Variants in TOPBP1 observed in about 807,000 individuals in gnomAD.
The protein encoded by TOPBP1 is DNA topoisomerase II binding protein 1.
TOPBP1 carries 28 observed loss-of-function variants against 167.7 expected under a neutral mutation model. The ratio of observed to expected loss-of-function variants is 0.17; its 90% CI spans 0.12 to 0.23. The LOEUF (loss-of-function observed/expected upper bound fraction) is 0.23, where lower values mean the gene tolerates loss of function less well. Ranked by LOEUF, TOPBP1 falls within the 10% of genes least tolerant of loss-of-function variation. The probability of loss-of-function intolerance (pLI) is 1.00; values close to 1 mark genes in which losing one functional copy is unlikely to be tolerated. For synonymous variants in TOPBP1, 598 were observed against 611.4 expected (o/e 0.98, Z 0.32); for missense variants, 1,554 against 1,809.6 (o/e 0.86, Z 2.56).
At chr3:133,658,628 G>A (rs765834469) in intron 3 of TOPBP1, among the ~76,000 whole-genome samples, 4 of 151,926 alleles carry the variant, frequency 2.6e-5, no homozygotes, top group Admixed American at 6.6e-5. Flanking sequence ...GGCCAACATC[G>A]AGAAACCCTT....
chr3:133,652,119 G>A (rs1031145962), intron 8 of TOPBP1, among the ~76,000 whole-genome samples: 7 of 150,618 alleles, frequency 4.6e-5, no homozygotes, highest in African/African-American at 1.7e-4. Context: ...AACAGAGTGA[G>A]ACCCTAACTC....
chr3:133,649,749 G>C (rs1355448109), intron 9 of TOPBP1, 31 bp downstream of exon 9: 3 of 1,584,954 alleles, frequency 1.9e-6, no homozygotes, highest in African/African-American at 1.4e-5. Context: ...TTATGTAGTA[G>C]AAATTGCTTT....
chr3:133,633,079 T>C (rs1355091709), intron 14 of TOPBP1, among the ~76,000 whole-genome samples: 1 of 152,128 alleles, frequency 6.6e-6, no homozygotes, highest in Non-Finnish European at 1.5e-5. Flanking sequence ...GGCTATTTCT[T>C]CCACCTTAAA....
In TOPBP1 at chr3:133,638,021, C is replaced by T. The variant is rs372611122; in HGVS notation, c.2375G>A (p.Arg792His). ...DMNRFQSKAFRAVVSQHARQV... is the reference protein window; with the variant it reads ...DMNRFQSKAFHAVVSQHARQV... Reference sequence around the variant, plus strand: ...TCTGGCATGTTGTGAGACCACAGCACGGAAAGCTTTACTCTGAAAGCGGTT... The same window carrying T: ...TCTGGCATGTTGTGAGACCACAGCATGGAAAGCTTTACTCTGAAAGCGGTT... The change falls in exon 14 of 28, where the codon CGT (arginine) becomes CAT (histidine). Residue 792 changes from arginine (R) to histidine (H), a missense_variant. Physicochemically the swap from Arg to His is conservative, Grantham distance 29 (BLOSUM62 0). Around this residue, in one of 3 missense-constraint regions of TOPBP1, gnomAD observed 1,197 missense variants for 1,351.5 expected, o/e 0.89. Coordinates refer to ENST00000260810, the MANE Select transcript of TOPBP1 (RefSeq NM_007027.4). 2.0e-5 allele frequency: 33 copies of T among 1,613,818 alleles called. No homozygotes were observed. The African/African-American group carries it at 3.3e-4, about 16-fold the overall frequency.
chr3:133,628,707 T>C lies in TOPBP1; in HGVS notation c.2547A>G (p.Pro849=). ...VKDALAALET[P]GRPSQQKRKP... ...TCCTTTTCTGTTGGCTGGGACGTCC[T>C]GGAGTTTCCAAGGCTGCAAGTGCAT... Residue 849 remains proline (P), a synonymous_variant, in exon 15 of 28, where the codon CCA becomes CCG. Transcript: ENST00000260810. The C allele has an allele frequency of 6.4e-7, 1 of 1,553,594 alleles. No homozygotes were observed. The highest frequency in any genetic ancestry group is 8.7e-7 in the Non-Finnish European group (1 of 1,147,830).
Position 133,620,297 on chromosome 3 carries a change from C to T in TOPBP1, c.3229G>A (p.Glu1077Lys). 6.2e-7 allele frequency: 1 copy of T among 1,613,960 alleles called. No individual in the cohort carries two copies. The highest frequency in any genetic ancestry group is 8.5e-7 in the Non-Finnish European group (1 of 1,179,886). Reference sequence around the variant, plus strand: ...ACTATTGATGTTGCAGACATTATCTCCTGTAACTGCTTCTGAAAGTTCTCT... The same window carrying T: ...ACTATTGATGTTGCAGACATTATCTTCTGTAACTGCTTCTGAAAGTTCTCT... ...MRENFQKQLQ[E>K]IMSATSIVKP... The change falls in exon 20 of 28, where the codon GAG becomes AAG. Residue 1077 changes from glutamate (E) to lysine (K), a missense_variant. Physicochemically the swap from Glu to Lys is moderately conservative, Grantham distance 56. Coordinates refer to ENST00000260810, the MANE Select transcript of TOPBP1 (RefSeq NM_007027.4).
chr3:133,655,279 C>A lies in TOPBP1; in HGVS notation c.742+11G>T. 7.3e-7 allele frequency: 1 copy of A among 1,372,272 alleles called. No individual in the cohort carries two copies. The highest frequency in any genetic ancestry group is 2.2e-5 in the South Asian group (1 of 44,800). 85.0% of individuals were successfully genotyped at this position (1,372,272 alleles called of 1,614,324 possible). On this transcript the variant is annotated intron_variant, in intron 6 of 27. Coordinates refer to ENST00000260810, the MANE Select transcript of TOPBP1 (RefSeq NM_007027.4). ...ATGTTTCATTTGTCCCTTTGTGAAA[C>A]ACAGTTTTACCTTTTGGTTCTTGCA...
In TOPBP1 at chr3:133,612,399, T is replaced by C. The variant is rs374516381; in HGVS notation, c.4025A>G (p.His1342Arg). The C allele has an allele frequency of 5.6e-6, 9 of 1,613,688 alleles. No individual in the cohort carries two copies. The highest frequency in any genetic ancestry group is 1.6e-4 in the Middle Eastern group (1 of 6,078). Residue 1342 changes from histidine (H) to arginine (R), a missense_variant, in exon 24 of 28, where the codon CAC (histidine) becomes CGC (arginine). His to Arg is a conservative substitution (Grantham distance 29). Coordinates refer to ENST00000260810, the MANE Select transcript of TOPBP1 (RefSeq NM_007027.4). ...SYLEACRTAG[H>R]FVQEEDYEWG... ...AATCTGAATACACACCTGCACGAAG[T>C]GTCCAGCAGTCCTGCAGGCTTCAAG...
At position 133,649,509 on chromosome 3, in the gene TOPBP1, T is replaced by C. The variant is rs1167225501; in HGVS notation, c.1378A>G (p.Ser460Gly). The C allele has an allele frequency of 2.5e-6, 4 of 1,613,844 alleles. No homozygotes were observed. In the African/African-American group the frequency reaches 5.3e-5, roughly 22 times the overall value. ...TTCTTTTTTAAAAGAGCTGCTTTACTTTCAGGCTTATGTGAAACTGGAATT... is the reference window on the plus strand; with the variant it reads ...TTCTTTTTTAAAAGAGCTGCTTTACCTTCAGGCTTATGTGAAACTGGAATT... ...VEIPVSHKPE[S>G]KAALLKKKNS... Residue 460 changes from serine (S) to glycine (G), a missense_variant, in exon 10 of 28, where the codon AGT becomes GGT. Ser to Gly is a moderately conservative substitution (Grantham distance 56, BLOSUM62 0). Coordinates refer to ENST00000260810, the MANE Select transcript of TOPBP1 (RefSeq NM_007027.4).
In TOPBP1 at chr3:133,640,879, A is replaced by G. The variant is rs183628758; in HGVS notation, c.2022-709T>C. On this transcript the variant is annotated intron_variant, in intron 12 of 27. Coordinates refer to ENST00000260810, the MANE Select transcript of TOPBP1 (RefSeq NM_007027.4). ...TATTATCTCATTTGATCCTCTCAATATTTAAGTATAGACATGGGAAAAAAT... is the reference window on the plus strand; with the variant it reads ...TATTATCTCATTTGATCCTCTCAATGTTTAAGTATAGACATGGGAAAAAAT... Among the ~76,000 whole-genome samples the G allele has an allele frequency of 2.8e-4, 43 of 152,278 alleles. No homozygotes were observed. The East Asian group carries it at 6.7e-3, about 24-fold the overall frequency.
Position 133,624,186 on chromosome 3 carries a change from C to G in TOPBP1, c.2805-11G>C, listed in dbSNP as rs1042576134. On this transcript the variant is annotated splice_polypyrimidine_tract_variant and intron_variant, in intron 16 of 27. Transcript: ENST00000260810. ...TCATCAAAACTCCACCTGAAATAAC[C>G]AATACAAAAAAACAAATAACCAAGA... 6.2e-7 allele frequency: 1 copy of G among 1,609,908 alleles called. No individual in the cohort carries two copies. The highest frequency in any genetic ancestry group is 8.5e-7 in the Non-Finnish European group (1 of 1,178,730).
chr3:133,645,908 G>A (rs1219660290), intron 10 of TOPBP1, among the ~76,000 whole-genome samples: 2 of 152,076 alleles, frequency 1.3e-5, no homozygotes, highest in East Asian at 3.9e-4. Context: ...CAGCACTTTG[G>A]GAGGCTGAGG....
In TOPBP1 at chr3:133,612,374, A is replaced by G. The variant is rs971562362; in HGVS notation, c.4035+15T>C. ...TTTTAAAGAAAAATAAACTTCCACA[A>G]ATCTGAATACACACCTGCACGAAGT... On this transcript the variant is annotated intron_variant, in intron 24 of 27. Coordinates refer to ENST00000260810, the MANE Select transcript of TOPBP1 (RefSeq NM_007027.4). 1 of 1,613,300 alleles carries G rather than the reference A, an allele frequency of 6.2e-7. No homozygotes were observed. Among genetic ancestry groups the G allele is most frequent in the Non-Finnish European group, 8.5e-7 (1 of 1,179,552 alleles).
Position 133,644,376 on chromosome 3 carries a change from AGTAAAT to A in TOPBP1, c.1505-19_1505-14del. 2 of 1,540,018 alleles carry A rather than the reference AGTAAAT, an allele frequency of 1.3e-6. No individual in the cohort carries two copies. The highest frequency in any genetic ancestry group is 1.7e-6 in the Non-Finnish European group (2 of 1,147,596). On this transcript the variant is annotated splice_polypyrimidine_tract_variant and intron_variant, in intron 10 of 27. Transcript: ENST00000260810. ...GTCTTAGCCTCAACTGAAAGAGAAA[AGTAAAT>A]GTTTTCTAACCAACAATTTACCTTA...
chr3:133,659,000 C>T lies in TOPBP1; in HGVS notation c.219+16G>A. The T allele has an allele frequency of 1.3e-6, 2 of 1,588,474 alleles. No individual in the cohort carries two copies. The highest frequency in any genetic ancestry group is 1.2e-5 in the South Asian group (1 of 85,496). Reference sequence around the variant, plus strand: ...AAAAATAGACTACCAAAGGTACACACTAGAAGTCAGCAAACCTTTTTGAGG... The same window carrying T: ...AAAAATAGACTACCAAAGGTACACATTAGAAGTCAGCAAACCTTTTTGAGG... On this transcript the variant is annotated intron_variant, in intron 3 of 27. Coordinates refer to ENST00000260810, the MANE Select transcript of TOPBP1 (RefSeq NM_007027.4).
intron 6 of TOPBP1, among the ~76,000 whole-genome samples, chr3:133,654,069 C>T (rs961040773): frequency 2.0e-5 from 3 of 152,160 alleles, no homozygotes; most frequent in African/African-American, 7.2e-5. Context: ...AGTATAAATA[C>T]ATATGCCATG....
intron 25 of TOPBP1, among the ~76,000 whole-genome samples, chr3:133,610,114 T>A (rs1430203370): frequency 6.6e-6 from 1 of 152,196 alleles, no homozygotes; most frequent in African/African-American, 2.4e-5. Flanking sequence ...TGACAAAACC[T>A]CAGATATGTG....
At chr3:133,620,026 C>T in intron 20 of TOPBP1, 129 bp downstream of exon 20, 3 of 938,936 alleles carry the variant, frequency 3.2e-6, no homozygotes, top group African/African-American at 1.7e-5. Flanking sequence ...TCAGCTTTTA[C>T]TGCATATTGG....
chr3:133,631,094 T>TGGG (rs1935458838), intron 14 of TOPBP1, among the ~76,000 whole-genome samples: 1 of 151,998 alleles, frequency 6.6e-6, no homozygotes, highest in Non-Finnish European at 1.5e-5. Flanking sequence ...GAGGCTGAGG[T>TGGG]GGGAGGACTG....
Sources: allele counts gnomAD v4.1 joint callset (sites outside exome capture counted in the v4.1 genomes callset), GRCh38; gene constraint gnomAD v4.1.1; regional missense constraint gnomAD v4.1.1; transcripts MANE v1.5; gene names NCBI Gene and HGNC (gene_info 2026-07-23, HGNC 2026-07-21).